The following NRCAM variants were observed in gnomAD, a reference collection of about 807,000 sequenced individuals.
NRCAM encodes NgCAM-related cell adhesion molecule.
NRCAM carries 83 observed loss-of-function variants against 156.5 expected under a neutral mutation model. The ratio of observed to expected loss-of-function variants is 0.53; its 90% CI spans 0.44 to 0.64. The LOEUF (loss-of-function observed/expected upper bound fraction) is 0.64, where lower values mean the gene tolerates loss of function less well. Ranked by LOEUF, NRCAM falls within the 30% of genes least tolerant of loss-of-function variation. NRCAM has a pLI of 0.00. For synonymous variants in NRCAM, 538 were observed against 563.9 expected (o/e 0.95, Z 0.65); for missense variants, 1,417 against 1,597.3 (o/e 0.89, Z 1.92).
intron 13 of NRCAM, among the ~76,000 whole-genome samples, chr7:108,201,458 C>T (rs1185910747): frequency 1.3e-5 from 2 of 152,106 alleles, no homozygotes; most frequent in Non-Finnish European, 2.9e-5. Flanking sequence ...CACCACCACG[C>T]GATATTTAAT....
chr7:108,170,753 T>C (rs1244001500), intron 28 of NRCAM, among the ~76,000 whole-genome samples: 1 of 152,082 alleles, frequency 6.6e-6, no homozygotes, highest in African/African-American at 2.4e-5. Context: ...CTAAATTAAC[T>C]GAAACCTGTC....
At chr7:108,404,800 A>G (rs1258266447) in intron 1 of NRCAM, among the ~76,000 whole-genome samples, 1 of 152,228 alleles carries the variant, frequency 6.6e-6, no homozygotes, top group Admixed American at 6.5e-5. Context: ...AGTGATAAAC[A>G]CAATGAGAGC....
rs755887086 is a variant in NRCAM, at chr7:108,168,409, A to T, written c.3188-7T>A. The T allele has an allele frequency of 2.5e-6, 4 of 1,588,908 alleles. No homozygotes were observed. In the South Asian group the frequency reaches 4.7e-5, roughly 19 times the overall value. The stretch of plus-strand genomic sequence containing the variant: ...CTGGGATTTACTGCTTGAACTAAAC[A>T]TACAATAGAAAAATAAAACAAACAA... On this transcript the variant is annotated splice_region_variant and splice_polypyrimidine_tract_variant and intron_variant, in intron 28 of 32. Transcript: ENST00000379028.
intron 3 of NRCAM, among the ~76,000 whole-genome samples, chr7:108,273,831 A>G (rs950996808): frequency 1.3e-5 from 2 of 152,064 alleles, no homozygotes; most frequent in Non-Finnish European, 2.9e-5. Flanking sequence ...CCTATGTCCT[A>G]AATGGTATTG....
At chr7:108,159,660 T>C (rs2047652694) in intron 31 of NRCAM, 119 bp from the exon 32 acceptor site, 1 of 728,446 alleles carries the variant, frequency 1.4e-6, no homozygotes, top group South Asian at 1.6e-5. Flanking sequence ...CAAGTAGATG[T>C]TGTATAACCA....
At chr7:108,270,996 A>T (rs1259065917) in intron 3 of NRCAM, among the ~76,000 whole-genome samples, 1 of 152,186 alleles carries the variant, frequency 6.6e-6, no homozygotes. Context: ...AGAACTATAC[A>T]CTTAAGTGTT....
intron 3 of NRCAM, among the ~76,000 whole-genome samples, chr7:108,255,742 C>G (rs956161799): frequency 6.6e-6 from 1 of 151,944 alleles, no homozygotes; most frequent in Admixed American, 6.5e-5. Context: ...CCGGCCACGA[C>G]CCCGTCTGGG....
At chr7:108,343,453 G>A (rs184792201) in intron 2 of NRCAM, among the ~76,000 whole-genome samples, 7 of 152,250 alleles carry the variant, frequency 4.6e-5, no homozygotes, top group Non-Finnish European at 1.0e-4. Context: ...AAGGGAAATA[G>A]AAGGGAACTG....
At chr7:108,448,720 G>GAA (rs1204530020) in intron 1 of NRCAM, among the ~76,000 whole-genome samples, 1 of 152,044 alleles carries the variant, frequency 6.6e-6, no homozygotes, top group African/African-American at 2.4e-5. Context: ...AAAATGAATG[G>GAA]AAAACCATGT....
intron 32 of NRCAM, among the ~76,000 whole-genome samples, chr7:108,156,930 T>C (rs1166857751): frequency 6.6e-6 from 1 of 152,144 alleles, no homozygotes; most frequent in East Asian, 1.9e-4. Flanking sequence ...AAACACTTTT[T>C]GGATTTCTTC....
chr7:108,357,429 G>A (rs2099512871), intron 2 of NRCAM, among the ~76,000 whole-genome samples: 1 of 151,784 alleles, frequency 6.6e-6, no homozygotes. Flanking sequence ...CACCTCCCGG[G>A]TTCAAGCAAT....
intron 1 of NRCAM, among the ~76,000 whole-genome samples, chr7:108,436,899 C>A (rs973157221): frequency 4.6e-5 from 7 of 152,114 alleles, no homozygotes; most frequent in Non-Finnish European, 1.0e-4. Flanking sequence ...AAAAGATCCA[C>A]CAATCCCACT....
intron 2 of NRCAM, among the ~76,000 whole-genome samples, chr7:108,338,434 G>T (rs767220449): frequency 9.9e-5 from 15 of 151,696 alleles, no homozygotes; most frequent in Non-Finnish European, 1.9e-4. Context: ...AGGGAGTCTT[G>T]TCCCTGATGT....
intron 2 of NRCAM, among the ~76,000 whole-genome samples, chr7:108,324,485 G>A (rs1478456684): frequency 6.6e-6 from 1 of 151,990 alleles, no homozygotes; most frequent in African/African-American, 2.4e-5. Context: ...GCCAAATTTG[G>A]GTGTAGTCAA....
chr7:108,417,370 G>A (rs1475870418), intron 1 of NRCAM, among the ~76,000 whole-genome samples: 3 of 152,240 alleles, frequency 2.0e-5, no homozygotes, highest in East Asian at 3.9e-4. Flanking sequence ...ATGGCAAAAG[G>A]CAGAAGGACA....
At chr7:108,436,065 C>T (rs1402166679) in intron 1 of NRCAM, among the ~76,000 whole-genome samples, 1 of 152,180 alleles carries the variant, frequency 6.6e-6, no homozygotes, top group Non-Finnish European at 1.5e-5. Context: ...GCCCGGGAGG[C>T]GGAGCTTGCA....
rs948420912 is a variant in NRCAM, at chr7:108,147,945, G to A, written c.*1965C>T. 6.6e-6 allele frequency: 1 copy of A among 152,572 alleles called. No homozygotes were observed. The highest frequency in any genetic ancestry group is 6.5e-5 in the Admixed American group (1 of 15,276). The allele number at this position is 152,572 out of a possible 1,614,324, so 9.5% of individuals were successfully genotyped here. On this transcript the variant is annotated 3_prime_UTR_variant, in exon 33 of 33. Coordinates refer to ENST00000379028, the MANE Select transcript of NRCAM (RefSeq NM_001037132.4). ...ATTTAAAGTAACTTTTAATCTTTGT[G>A]CTCTCTGATGCCAAGGCAAACCTGT...
intron 2 of NRCAM, among the ~76,000 whole-genome samples, chr7:108,383,552 A>C (rs2154362064): frequency 6.6e-6 from 1 of 152,336 alleles, no homozygotes; most frequent in Non-Finnish European, 1.5e-5. Context: ...ACTTCAACGG[A>C]GTTCCATCTT....
chr7:108,326,707 A>C (rs906065611), intron 2 of NRCAM, among the ~76,000 whole-genome samples: 1 of 152,192 alleles, frequency 6.6e-6, no homozygotes, highest in African/African-American at 2.4e-5. Context: ...CATGAGACCT[A>C]GGGAAGGTTT....
Sources: allele counts gnomAD v4.1 joint callset (sites outside exome capture counted in the v4.1 genomes callset), GRCh38; gene constraint gnomAD v4.1.1; transcripts MANE v1.5; gene names NCBI Gene and HGNC (gene_info 2026-07-23, HGNC 2026-07-21).